The following GABBR2 variants were observed in gnomAD, a reference collection of about 807,000 sequenced individuals.
GABBR2 encodes gamma-aminobutyric acid type B receptor subunit 2.
A neutral mutation model predicts 105.6 loss-of-function variants in GABBR2; 23 were observed. The ratio of observed to expected loss-of-function variants is 0.22; its 90% CI spans 0.16 to 0.31. The LOEUF is 0.31. GABBR2 is among the 10% of genes least tolerant of loss of function. GABBR2 has a pLI of 1.00. For synonymous variants in GABBR2, 478 were observed against 499.7 expected (o/e 0.96, Z 0.58); for missense variants, 734 against 1,245.5 (o/e 0.59, Z 6.18).
chr9:98,303,334 C>T lies in GABBR2; in HGVS notation c.2319G>A (p.Thr773=), dbSNP rs747984740. The T allele has an allele frequency of 1.9e-5, 30 of 1,613,932 alleles. No individual in the cohort carries two copies. The highest frequency in any genetic ancestry group is 4.5e-5 in the East Asian group (2 of 44,894). ...TQNQKKEDSK[T]STSVTSVNQA... is the part of the protein sequence containing the mutation. ...GGTTCACACTGGTGACCGAGGTGGA[C>T]GTTTTAGAATCTTCTTTCTTCTGAT... Residue 773 remains threonine (T), a synonymous_variant, in exon 16 of 19, where the codon ACG becomes ACA. Transcript: ENST00000259455.
At chr9:98,406,833 A>G (rs1832498744) in intron 7 of GABBR2, among the ~76,000 whole-genome samples, 1 of 152,192 alleles carries the variant, frequency 6.6e-6, no homozygotes, top group African/African-American at 2.4e-5. Flanking sequence ...GGCTAAATAT[A>G]TCAGGAATTT....
At chr9:98,607,697 C>T in intron 1 of GABBR2, 1 of 755,268 alleles carries the variant, frequency 1.3e-6, no homozygotes, top group Non-Finnish European at 2.4e-6. Flanking sequence ...TTGATAAGAA[C>T]ACACATGCAG....
At chr9:98,414,352 A>G (rs978411456) in intron 7 of GABBR2, among the ~76,000 whole-genome samples, 3 of 152,204 alleles carry the variant, frequency 2.0e-5, no homozygotes, top group Non-Finnish European at 4.4e-5. Flanking sequence ...CTGAGGCAGG[A>G]AAGAGATTGG....
chr9:98,660,790 C>A (rs1435580826), intron 1 of GABBR2, among the ~76,000 whole-genome samples: 1 of 152,202 alleles, frequency 6.6e-6, no homozygotes. Context: ...ACTCAAACTT[C>A]CTGGTTCTAT....
intron 5 of GABBR2, among the ~76,000 whole-genome samples, chr9:98,474,310 C>A (rs566825213): frequency 6.6e-6 from 1 of 152,108 alleles, no homozygotes; most frequent in Non-Finnish European, 1.5e-5. Context: ...TTCTAATGCA[C>A]CCCTACTTGA....
At chr9:98,492,059 A>G (rs1015067841) in intron 4 of GABBR2, among the ~76,000 whole-genome samples, 1 of 152,112 alleles carries the variant, frequency 6.6e-6, no homozygotes, top group African/African-American at 2.4e-5. Context: ...CAGAGGAGTC[A>G]GAGAGTGGCC....
intron 3 of GABBR2, among the ~76,000 whole-genome samples, chr9:98,541,054 G>A (rs1157886331): frequency 6.6e-6 from 1 of 152,106 alleles, no homozygotes; most frequent in African/African-American, 2.4e-5. Flanking sequence ...TGAGAGTATG[G>A]TTGTCCCATT....
chr9:98,576,446 T>C (rs1828908218), intron 2 of GABBR2, among the ~76,000 whole-genome samples: 1 of 152,224 alleles, frequency 6.6e-6, no homozygotes, highest in African/African-American at 2.4e-5. Flanking sequence ...AGACCTTTTC[T>C]GACTACCCCA....
At chr9:98,397,797 A>T (rs1282616080) in intron 8 of GABBR2, among the ~76,000 whole-genome samples, 1 of 152,056 alleles carries the variant, frequency 6.6e-6, no homozygotes, top group African/African-American at 2.4e-5. Flanking sequence ...TCTGTGCATG[A>T]CAGCTCTTCA....
At chr9:98,312,981 C>T (rs1830659307) in intron 13 of GABBR2, among the ~76,000 whole-genome samples, 1 of 152,134 alleles carries the variant, frequency 6.6e-6, no homozygotes, top group South Asian at 2.1e-4. Flanking sequence ...AGCTGCCGAC[C>T]TTAGGTGATC....
At chr9:98,465,121 T>TA (rs57747633) in intron 6 of GABBR2, among the ~76,000 whole-genome samples, 2,350 of 21,964 alleles carry the variant, frequency 0.11, 160 homozygotes, top group East Asian at 0.21. Context: ...CAATAAATAC[T>TA]AAAAAAAAAA....
chr9:98,379,561 A>G (rs1831936287), intron 11 of GABBR2, among the ~76,000 whole-genome samples: 1 of 152,196 alleles, frequency 6.6e-6, no homozygotes. Flanking sequence ...GAGCCACCGC[A>G]CCTGGCCTCC....
rs369260625 is a variant in GABBR2 at position 98,343,731 on chromosome 9, G to A, written c.1893+18984C>T. Among the ~76,000 whole-genome samples, 401 of 152,084 alleles carry A rather than the reference G, an allele frequency of 2.6e-3. 1 individual carries two copies. The highest frequency in any genetic ancestry group is 8.9e-3 in the African/African-American group (368 of 41,492). On this transcript the variant is annotated intron_variant, in intron 13 of 18. Transcript: ENST00000259455. Reference sequence around the variant, plus strand: ...AAATTAGCCGGGTATGGTGGCGGACGCCTGTAGTCCCAGCTACTCAGGAGG... The same window carrying A: ...AAATTAGCCGGGTATGGTGGCGGACACCTGTAGTCCCAGCTACTCAGGAGG...
chr9:98,352,988 G>A (rs1831425968), intron 13 of GABBR2, among the ~76,000 whole-genome samples: 1 of 152,136 alleles, frequency 6.6e-6, no homozygotes. Context: ...GTGTCCTGAT[G>A]CAGCAGCTTG....
intron 13 of GABBR2, among the ~76,000 whole-genome samples, chr9:98,326,627 G>T: frequency 6.6e-6 from 1 of 152,234 alleles, no homozygotes. Context: ...AGAACACAGA[G>T]TTGCCTCATG....
chr9:98,300,029 ATTTT>A lies in GABBR2; in HGVS notation c.2413-680_2413-677del, dbSNP rs530073574. On this transcript the variant is annotated intron_variant, in intron 16 of 18. Coordinates refer to ENST00000259455, the MANE Select transcript of GABBR2 (RefSeq NM_005458.8). Reference sequence around the variant, plus strand: ...ACGTGCATGCTACCATGTCTGGCTAATTTTTTTTTTTTTTGGTAGAGATGGGGTC... The same window carrying A: ...ACGTGCATGCTACCATGTCTGGCTAATTTTTTTTTTGGTAGAGATGGGGTC... Among the ~76,000 whole-genome samples the A allele has an allele frequency of 5.0e-3, 706 of 141,204 alleles. 3 individuals carry two copies. The highest frequency in any genetic ancestry group is 0.015 in the Middle Eastern group (4 of 272). The allele number at this position is 141,204 out of a possible 152,430, so 92.6% of individuals were successfully genotyped here.
chr9:98,603,636 C>T (rs916253971), intron 1 of GABBR2, among the ~76,000 whole-genome samples: 8 of 152,190 alleles, frequency 5.3e-5, no homozygotes, highest in African/African-American at 1.9e-4. Flanking sequence ...TCAGGCTCCA[C>T]CAGTGCACTA....
intron 1 of GABBR2, among the ~76,000 whole-genome samples, chr9:98,639,244 T>C (rs371539922): frequency 6.6e-6 from 1 of 152,080 alleles, no homozygotes; most frequent in African/African-American, 2.4e-5. Flanking sequence ...ACCTATAATG[T>C]CTCAAAGCAG....
chr9:98,602,811 G>A (rs1829361172), intron 1 of GABBR2, among the ~76,000 whole-genome samples: 1 of 152,200 alleles, frequency 6.6e-6, no homozygotes, highest in Admixed American at 6.5e-5. Flanking sequence ...AGTCTTCCCT[G>A]AAACACCCAA....
Sources: allele counts gnomAD v4.1 joint callset (sites outside exome capture counted in the v4.1 genomes callset), GRCh38; gene constraint gnomAD v4.1.1; transcripts MANE v1.5; gene names NCBI Gene and HGNC (gene_info 2026-07-23, HGNC 2026-07-21).